Variants in AHCYL2 observed in about 807,000 individuals in gnomAD.
AHCYL2 encodes the protein S-adenosylhomocysteine hydrolase-like protein 2.
Under a neutral mutation model 81.4 loss-of-function variants are expected in AHCYL2, and 28 were observed. That is an observed-to-expected ratio of 0.34 (90% CI 0.25 to 0.47). The LOEUF is 0.47. AHCYL2 is among the 20% of genes least tolerant of loss of function. The probability of loss-of-function intolerance (pLI) is 1.00; values close to 1 mark genes in which losing one functional copy is unlikely to be tolerated. For synonymous variants in AHCYL2, 272 were observed against 290.2 expected (o/e 0.94, Z 0.64); for missense variants, 551 against 785.1 (o/e 0.70, Z 3.56).
intron 1 of AHCYL2, among the ~76,000 whole-genome samples, chr7:129,300,534 T>A (rs1361938131): frequency 6.6e-6 from 1 of 152,222 alleles, no homozygotes; most frequent in East Asian, 1.9e-4. Flanking sequence ...TTTAAAAAAA[T>A]CTATTCGTCT....
intron 11 of AHCYL2, 118 bp downstream of exon 11, chr7:129,409,664 C>T (rs1796471005): frequency 7.3e-6 from 6 of 816,910 alleles, no homozygotes; most frequent in Non-Finnish European, 1.2e-5. Flanking sequence ...AGATAGTAGC[C>T]CACAAAGCCA....
chr7:129,341,781 A>T (rs1287929491), intron 1 of AHCYL2, among the ~76,000 whole-genome samples: 1 of 152,190 alleles, frequency 6.6e-6, no homozygotes, highest in African/African-American at 2.4e-5. Flanking sequence ...GGAATAACAC[A>T]CTCATGGTTA....
intron 1 of AHCYL2, among the ~76,000 whole-genome samples, chr7:129,356,351 T>C (rs1793735236): frequency 6.6e-6 from 1 of 152,210 alleles, no homozygotes; most frequent in African/African-American, 2.4e-5. Context: ...CAGTGGCTGC[T>C]AGTTGTCTAT....
At chr7:129,312,756 T>A (rs904063985) in intron 1 of AHCYL2, among the ~76,000 whole-genome samples, 11 of 152,188 alleles carry the variant, frequency 7.2e-5, no homozygotes, top group Admixed American at 1.3e-4. Flanking sequence ...ATTGAGACAT[T>A]GAACGTTCTC....
intron 1 of AHCYL2, among the ~76,000 whole-genome samples, chr7:129,359,534 C>G (rs1045389721): frequency 6.6e-6 from 1 of 152,138 alleles, no homozygotes; most frequent in East Asian, 1.9e-4. Flanking sequence ...AAGAATATAG[C>G]GAGAAGCACA....
At chr7:129,402,394 A>G (rs1383255760) in intron 6 of AHCYL2, among the ~76,000 whole-genome samples, 1 of 152,226 alleles carries the variant, frequency 6.6e-6, no homozygotes, top group Non-Finnish European at 1.5e-5. Flanking sequence ...TCTGGGGTCC[A>G]GAATGGCAGT....
At chr7:129,335,153 G>A (rs537073377) in intron 1 of AHCYL2, among the ~76,000 whole-genome samples, 68 of 152,174 alleles carry the variant, frequency 4.5e-4, no homozygotes, top group Non-Finnish European at 7.6e-4. Context: ...AGGCCAGGGC[G>A]GAGGACTGCT....
chr7:129,356,784 T>C (rs1313902855), intron 1 of AHCYL2, among the ~76,000 whole-genome samples: 1 of 152,178 alleles, frequency 6.6e-6, no homozygotes, highest in Admixed American at 6.5e-5. Flanking sequence ...ACTTAAGGCC[T>C]TGAAGATACT....
At chr7:129,242,737 G>A (rs1352489635) in intron 1 of AHCYL2, among the ~76,000 whole-genome samples, 1 of 150,418 alleles carries the variant, frequency 6.6e-6, no homozygotes. Context: ...AAAAAAAATT[G>A]CCTGTGGTAT....
chr7:129,403,454 A>G lies in AHCYL2; in HGVS notation c.994A>G (p.Ile332Val), dbSNP rs566650083. ...YPNMFKKIKG[I>V]VEESVTGVHR... The stretch of plus-strand genomic sequence containing the variant: ...CAACATGTTTAAGAAAATCAAGGGC[A>G]TAGTAGAGGAGAGTGTTACTGGAGT... The change falls in exon 7 of 17, where the codon ATA (isoleucine) becomes GTA (valine). Residue 332 changes from isoleucine to valine, a missense_variant. Physicochemically the swap from Ile to Val is conservative, Grantham distance 29. Coordinates refer to ENST00000325006, the MANE Select transcript of AHCYL2 (RefSeq NM_015328.4). The G allele has an allele frequency of 6.2e-6, 10 of 1,611,538 alleles. No homozygotes were observed. Among genetic ancestry groups the G allele is most frequent in the Admixed American group, 1.7e-5 (1 of 59,730 alleles).
At chr7:129,396,242 C>T (rs1007408025) in intron 4 of AHCYL2, among the ~76,000 whole-genome samples, 1 of 152,122 alleles carries the variant, frequency 6.6e-6, no homozygotes, top group African/African-American at 2.4e-5. Flanking sequence ...CCTGGCTCAG[C>T]CTCCCGAGTA....
At chr7:129,291,663 C>A (rs941970873) in intron 1 of AHCYL2, among the ~76,000 whole-genome samples, 1 of 149,894 alleles carries the variant, frequency 6.7e-6, no homozygotes, top group South Asian at 2.2e-4. Context: ...AGTGCAGTGG[C>A]GTGATCTCAG....
At chr7:129,404,955 A>C in intron 7 of AHCYL2, 142 bp from the exon 8 acceptor site, 1 of 484,730 alleles carries the variant, frequency 2.1e-6, no homozygotes, top group Non-Finnish European at 3.7e-6. Flanking sequence ...TTTATTTCTC[A>C]GTGGCCACCT....
Position 129,406,251 on chromosome 7 carries a change from C to G in AHCYL2, c.1207-127C>G. ...CAATTATTTGTTCTTCTCGTTTTCCCCAAGTATGAATCTATTCAGTGAAAT... is the reference window on the plus strand; with the variant it reads ...CAATTATTTGTTCTTCTCGTTTTCCGCAAGTATGAATCTATTCAGTGAAAT... On this transcript the variant is annotated intron_variant, in intron 9 of 16. Coordinates refer to ENST00000325006, the MANE Select transcript of AHCYL2 (RefSeq NM_015328.4). This position sits in a 1 kb window ranked among gnomAD's most constrained non-coding sequence, Gnocchi z 4.3. The G allele has an allele frequency of 1.3e-6, 1 of 788,754 alleles. No homozygotes were observed. Among genetic ancestry groups the G allele is most frequent in the Non-Finnish European group, 2.1e-6 (1 of 486,906 alleles). 48.9% of individuals were successfully genotyped at this position (788,754 alleles called of 1,614,324 possible). A position where few individuals can be genotyped will look rare whatever the true frequency, so the allele number is the denominator to read the frequency against.
At chr7:129,281,412 G>T (rs954711068) in intron 1 of AHCYL2, among the ~76,000 whole-genome samples, 5 of 150,142 alleles carry the variant, frequency 3.3e-5, no homozygotes, top group Non-Finnish European at 7.4e-5. Flanking sequence ...TTCTAGAAGA[G>T]TTTTTATAGA....
intron 6 of AHCYL2, 113 bp downstream of exon 6, chr7:129,400,497 C>A: frequency 1.1e-6 from 1 of 931,834 alleles, no homozygotes; most frequent in Non-Finnish European, 1.6e-6. Flanking sequence ...GGCTTCATTT[C>A]TATCTGATAT....
At chr7:129,237,412 C>T (rs1794677701) in intron 1 of AHCYL2, among the ~76,000 whole-genome samples, 1 of 152,102 alleles carries the variant, frequency 6.6e-6, no homozygotes, top group Non-Finnish European at 1.5e-5. Flanking sequence ...TCTTTCTTAA[C>T]TCTTAGTTTA....
At chr7:129,254,345 A>C (rs1313956828) in intron 1 of AHCYL2, among the ~76,000 whole-genome samples, 4 of 152,204 alleles carry the variant, frequency 2.6e-5, no homozygotes, top group Non-Finnish European at 5.9e-5. Context: ...ACAACAACAT[A>C]ATTTTACCTT....
At chr7:129,252,584 T>C (rs573269018) in intron 1 of AHCYL2, among the ~76,000 whole-genome samples, 9 of 152,246 alleles carry the variant, frequency 5.9e-5, no homozygotes, top group Admixed American at 5.9e-4. Flanking sequence ...CTAAGCAACA[T>C]AGTGAGACCC....
Sources: allele counts gnomAD v4.1 joint callset (sites outside exome capture counted in the v4.1 genomes callset), GRCh38; gene constraint gnomAD v4.1.1; non-coding constraint Gnocchi (gnomAD v3.1); transcripts MANE v1.5; gene names NCBI Gene and HGNC (gene_info 2026-07-23, HGNC 2026-07-21).